Variants in CDH13 observed in about 807,000 individuals in gnomAD.
CDH13 encodes the protein cadherin 13.
A neutral mutation model predicts 63.8 loss-of-function variants in CDH13; 24 were observed. The ratio of observed to expected loss-of-function variants is 0.38; its 90% CI spans 0.27 to 0.53. CDH13 has a LOEUF of 0.53. CDH13 is among the 20% of genes least tolerant of loss of function. The pLI, the probability that CDH13 is intolerant of heterozygous loss-of-function variation, is 0.85. For missense variants in CDH13, 1,049 were observed against 903.1 expected, an observed-to-expected ratio of 1.16 and a Z score of -2.07; for synonymous variants, 503 against 355.3, an observed-to-expected ratio of 1.42 and a Z score of -4.67.
chr16:83,667,407 C>A (rs1914090311), intron 8 of CDH13, among the ~76,000 whole-genome samples: 1 of 151,874 alleles, frequency 6.6e-6, no homozygotes, highest in Non-Finnish European at 1.5e-5. Context: ...CACCCATCCA[C>A]CCACCTACCC....
At chr16:83,180,881 T>A in intron 4 of CDH13, 1 of 1,525,842 alleles carries the variant, frequency 6.6e-7, no homozygotes, top group Admixed American at 2.0e-5. Flanking sequence ...GAACCCACAA[T>A]CCTATTAACA....
intron 4 of CDH13, among the ~76,000 whole-genome samples, chr16:83,161,860 C>T (rs1011222764): frequency 2.0e-5 from 3 of 152,130 alleles, no homozygotes; most frequent in African/African-American, 7.2e-5. Context: ...AACAACCCAC[C>T]GTAGTTATTC....
chr16:82,724,538 C>T (rs1327224381), intron 1 of CDH13, among the ~76,000 whole-genome samples: 2 of 152,160 alleles, frequency 1.3e-5, no homozygotes, highest in Non-Finnish European at 2.9e-5. Context: ...TGATGCTGTC[C>T]TTCATTCTAC....
At chr16:83,764,402 A>G (rs1325230795) in intron 11 of CDH13, among the ~76,000 whole-genome samples, 1 of 152,234 alleles carries the variant, frequency 6.6e-6, no homozygotes. Context: ...CAAATCAACT[A>G]TCTTAAACAG....
At chr16:83,391,084 C>T (rs2091776531) in intron 6 of CDH13, among the ~76,000 whole-genome samples, 2 of 152,176 alleles carry the variant, frequency 1.3e-5, no homozygotes, top group Admixed American at 6.5e-5. Flanking sequence ...GCCCGAGTGA[C>T]CTCTGCTGCC....
intron 2 of CDH13, among the ~76,000 whole-genome samples, chr16:83,011,493 G>T (rs908807909): frequency 6.6e-6 from 1 of 152,196 alleles, no homozygotes; most frequent in Non-Finnish European, 1.5e-5. Context: ...CCAGGGGCTT[G>T]TACTGTCATG....
At chr16:83,065,170 G>A (rs1011073554) in intron 3 of CDH13, among the ~76,000 whole-genome samples, 1 of 152,160 alleles carries the variant, frequency 6.6e-6, no homozygotes, top group African/African-American at 2.4e-5. Flanking sequence ...GTGATATACT[G>A]GACAGCACAG....
chr16:83,282,525 A>G (rs1377946533), intron 5 of CDH13, among the ~76,000 whole-genome samples: 1 of 152,212 alleles, frequency 6.6e-6, no homozygotes. Flanking sequence ...ATAAAAATAT[A>G]AGTCACTAAA....
intron 2 of CDH13, among the ~76,000 whole-genome samples, chr16:82,912,230 A>ATATGTTGCTTTTCACACATCT (rs6145918): frequency 0.83 from 126,176 of 151,926 alleles, 52,467 homozygotes; most frequent in Admixed American, 0.87. Context: ...CTGCATGTTA[A>ATATGTTGCTTTTCACACATCT]TATTTTCTTA....
At chr16:83,767,437 T>C (rs1466505509) in intron 11 of CDH13, among the ~76,000 whole-genome samples, 1 of 152,224 alleles carries the variant, frequency 6.6e-6, no homozygotes, top group African/African-American at 2.4e-5. Context: ...AAGTTGTGAC[T>C]TTGCTTCTCA....
At chr16:83,731,635 C>A (rs1911052651) in intron 10 of CDH13, among the ~76,000 whole-genome samples, 1 of 152,134 alleles carries the variant, frequency 6.6e-6, no homozygotes, top group Non-Finnish European at 1.5e-5. Flanking sequence ...TTGATAGTTT[C>A]TTTGCCAATT....
intron 5 of CDH13, among the ~76,000 whole-genome samples, chr16:83,239,713 C>T (rs1467021923): frequency 2.0e-5 from 3 of 152,146 alleles, no homozygotes; most frequent in Non-Finnish European, 2.9e-5. Context: ...ACCTACTTGG[C>T]TCTTACTACC....
chr16:83,013,678 C>G (rs968709299), intron 2 of CDH13, among the ~76,000 whole-genome samples: 1 of 152,168 alleles, frequency 6.6e-6, no homozygotes, highest in African/African-American at 2.4e-5. Context: ...CAGTGTGATA[C>G]CTGACATAGA....
chr16:82,908,723 A>T (rs955906639), intron 2 of CDH13, among the ~76,000 whole-genome samples: 1 of 152,186 alleles, frequency 6.6e-6, no homozygotes, highest in African/African-American at 2.4e-5. Flanking sequence ...GCCAAAATCC[A>T]GAAACCTCTG....
At chr16:83,511,271 G>A (rs890186728) in intron 7 of CDH13, among the ~76,000 whole-genome samples, 1 of 152,146 alleles carries the variant, frequency 6.6e-6, no homozygotes, top group African/African-American at 2.4e-5. Context: ...AGACCAGCCT[G>A]GCCAACATGA....
chr16:82,954,361 T>C (rs948879380), intron 2 of CDH13: 1 of 151,890 alleles, frequency 6.6e-6, no homozygotes, highest in Non-Finnish European at 1.5e-5. Context: ...AGCCCTCAGG[T>C]ACAGAGATAC....
At chr16:83,568,027 C>G (rs9929824) in intron 7 of CDH13, among the ~76,000 whole-genome samples, 1,927 of 152,284 alleles carry the variant, frequency 0.013, 31 homozygotes, top group African/African-American at 0.043. Context: ...TACTTCACCT[C>G]CAAACCCAGC....
At chr16:83,491,945 A>G (rs979993642) in intron 7 of CDH13, among the ~76,000 whole-genome samples, 3 of 152,132 alleles carry the variant, frequency 2.0e-5, no homozygotes, top group Admixed American at 6.6e-5. Flanking sequence ...ACTTAGTCTT[A>G]GATTTATGTG....
chr16:82,745,374 A>G (rs894484860), intron 1 of CDH13, among the ~76,000 whole-genome samples: 6 of 152,236 alleles, frequency 3.9e-5, no homozygotes, highest in Non-Finnish European at 8.8e-5. Context: ...ATAGAGTACC[A>G]TAAAGTCAGC....
Sources: allele counts gnomAD v4.1 joint callset (sites outside exome capture counted in the v4.1 genomes callset), GRCh38; gene constraint gnomAD v4.1.1; transcripts MANE v1.5; gene names NCBI Gene and HGNC (gene_info 2026-07-23, HGNC 2026-07-21).